SPOCK3: variants seen among roughly 807,000 people sequenced by gnomAD.
SPOCK3 encodes the protein SPARC (osteonectin), cwcv and kazal like domains proteoglycan 3.
A neutral mutation model predicts 56.6 loss-of-function variants in SPOCK3; 30 were observed. That is an observed-to-expected ratio of 0.53 (90% confidence interval 0.40 to 0.72). SPOCK3 has a LOEUF of 0.72. SPOCK3 is among the 30% of genes least tolerant of loss of function. SPOCK3 has a pLI of 0.00. For synonymous variants in SPOCK3, 196 were observed against 183.3 expected, an observed-to-expected ratio of 1.07 and a Z score of -0.56; for missense variants, 527 against 530.0, an observed-to-expected ratio of 0.99 and a Z score of 0.06.
At chr4:166,985,940 C>T (rs1439596710) in intron 4 of SPOCK3, among the ~76,000 whole-genome samples, 2 of 152,210 alleles carry the variant, frequency 1.3e-5, no homozygotes, top group East Asian at 3.9e-4. Context: ...TGTCTCTAGG[C>T]TCTAAGAGTT....
At chr4:167,103,564 C>T (rs1759840205) in intron 2 of SPOCK3, among the ~76,000 whole-genome samples, 1 of 152,126 alleles carries the variant, frequency 6.6e-6, no homozygotes, top group Non-Finnish European at 1.5e-5. Flanking sequence ...CACCATCTTA[C>T]CTTCAATAAA....
intron 6 of SPOCK3, among the ~76,000 whole-genome samples, chr4:166,812,535 T>A (rs1449166605): frequency 1.3e-5 from 2 of 151,920 alleles, no homozygotes; most frequent in African/African-American, 4.8e-5. Flanking sequence ...CATACTCAGA[T>A]AACAAATTCA....
intron 8 of SPOCK3, among the ~76,000 whole-genome samples, chr4:166,749,915 GTTC>G (rs1244399868): frequency 6.6e-6 from 1 of 152,080 alleles, no homozygotes; most frequent in Non-Finnish European, 1.5e-5. Context: ...ATTGAAAACA[GTTC>G]TTCTAGTTGC....
At chr4:166,898,762 G>A (rs557263568) in intron 5 of SPOCK3, among the ~76,000 whole-genome samples, 16 of 152,200 alleles carry the variant, frequency 1.1e-4, no homozygotes, top group African/African-American at 3.1e-4. Flanking sequence ...ACCTCTTATC[G>A]TTTGCCAAAA....
chr4:167,007,822 C>T (rs1354584236), intron 3 of SPOCK3, among the ~76,000 whole-genome samples: 3 of 152,136 alleles, frequency 2.0e-5, no homozygotes, highest in Non-Finnish European at 4.4e-5. Flanking sequence ...TTCCTCCTCT[C>T]GTGAGTGAAG....
At chr4:166,832,540 C>A (rs964760973) in intron 6 of SPOCK3, among the ~76,000 whole-genome samples, 57 of 152,086 alleles carry the variant, frequency 3.7e-4, no homozygotes, top group Admixed American at 4.6e-4. Flanking sequence ...AACTAACATT[C>A]AACCCAGTAA....
At chr4:166,997,958 C>T (rs939040528) in intron 4 of SPOCK3, among the ~76,000 whole-genome samples, 2 of 152,118 alleles carry the variant, frequency 1.3e-5, no homozygotes, top group East Asian at 1.9e-4. Flanking sequence ...TCTTTCCCTG[C>T]TTTCTCTACC....
At chr4:166,843,147 G>A (rs1747655973) in intron 6 of SPOCK3, among the ~76,000 whole-genome samples, 2 of 152,168 alleles carry the variant, frequency 1.3e-5, no homozygotes, top group Admixed American at 1.3e-4. Flanking sequence ...CCCAGAACAA[G>A]CACTGGCCCG....
At chr4:166,773,577 T>C (rs1579187559) in intron 7 of SPOCK3, among the ~76,000 whole-genome samples, 1 of 152,176 alleles carries the variant, frequency 6.6e-6, no homozygotes, top group South Asian at 2.1e-4. Flanking sequence ...TATTATCTTA[T>C]GTATTCATTT....
intron 6 of SPOCK3, among the ~76,000 whole-genome samples, chr4:166,794,620 C>CTTTTT (rs950662897): frequency 7.2e-6 from 1 of 139,422 alleles, no homozygotes; most frequent in African/African-American, 2.6e-5. Context: ...GTTTCTTTTT[C>CTTTTT]TTTTTTTTTT....
intron 3 of SPOCK3, among the ~76,000 whole-genome samples, chr4:167,050,011 T>G (rs1311137578): frequency 6.6e-6 from 1 of 152,188 alleles, no homozygotes; most frequent in Admixed American, 6.5e-5. Flanking sequence ...ACTTACTAGC[T>G]TTGTATCTAC....
rs188051006 is a variant in SPOCK3, at chr4:166,959,606, C to T, written c.350+40743G>A. On this transcript the variant is annotated intron_variant, in intron 4 of 10. Coordinates refer to ENST00000357545, the MANE Select transcript of SPOCK3 (RefSeq NM_001040159.2). ...CAGCCTGGGCAACAGAGCAAGAGTT[C>T]GTCTCAAAAAAAGAAAAAAAAAAAA... is the stretch of plus-strand genomic sequence containing the variant. Among the ~76,000 whole-genome samples, 221 of 104,060 alleles carry T rather than the reference C, an allele frequency of 2.1e-3. 1 individual carries two copies. The highest frequency in any genetic ancestry group is 2.7e-3 in the Non-Finnish European group (141 of 51,492). The allele number at this position is 104,060 out of a possible 152,430, so 68.3% of individuals were successfully genotyped here.
At chr4:166,947,745 C>T (rs1413586785) in intron 4 of SPOCK3, among the ~76,000 whole-genome samples, 1 of 152,018 alleles carries the variant, frequency 6.6e-6, no homozygotes, top group Non-Finnish European at 1.5e-5. Context: ...ATTGACACGT[C>T]ATAATTGCAC....
At chr4:166,860,817 G>GTA (rs1307737257) in intron 6 of SPOCK3, among the ~76,000 whole-genome samples, 364 of 31,146 alleles carry the variant, frequency 0.012, 10 homozygotes, top group African/African-American at 0.035. Context: ...ATATATATAT[G>GTA]TATATATATA....
At chr4:167,126,005 T>C (rs1486026400) in intron 2 of SPOCK3, among the ~76,000 whole-genome samples, 1 of 152,188 alleles carries the variant, frequency 6.6e-6, no homozygotes, top group Non-Finnish European at 1.5e-5. Flanking sequence ...TTTTTACTCA[T>C]ATCCTATTGG....
At chr4:167,102,564 G>C (rs1759743282) in intron 2 of SPOCK3, 1 of 152,328 alleles carries the variant, frequency 6.6e-6, no homozygotes, top group Non-Finnish European at 1.5e-5. Context: ...GTGTTCTCTG[G>C]GGAGACACAG....
chr4:167,028,443 A>G (rs948584455), intron 3 of SPOCK3, among the ~76,000 whole-genome samples: 1 of 152,056 alleles, frequency 6.6e-6, no homozygotes, highest in Non-Finnish European at 1.5e-5. Flanking sequence ...GAAATGAAAT[A>G]TAATAATAAT....
At chr4:167,049,400 C>A (rs183346355) in intron 3 of SPOCK3, among the ~76,000 whole-genome samples, 1 of 152,208 alleles carries the variant, frequency 6.6e-6, no homozygotes, top group East Asian at 1.9e-4. Flanking sequence ...GTTGATTACA[C>A]GTGGAACTTT....
In SPOCK3 at chr4:166,768,298, A is replaced by G. The variant is rs538289434; in HGVS notation, c.710-13569T>C. 2.9e-3 allele frequency among the ~76,000 whole-genome samples: 434 copies of G among 152,066 alleles called. 1 individual carries two copies. The highest frequency in any genetic ancestry group is 9.9e-3 in the African/African-American group (412 of 41,500). On this transcript the variant is annotated intron_variant, in intron 7 of 10. Transcript: ENST00000357545. ...CTTCCTAGCCTCGATGGTCTTTACA[A>G]TTTGTCATGTTTTTGCAGTGGCTGG...
Sources: allele counts gnomAD v4.1 joint callset (sites outside exome capture counted in the v4.1 genomes callset), GRCh38; gene constraint gnomAD v4.1.1; transcripts MANE v1.5; gene names NCBI Gene and HGNC (gene_info 2026-07-23, HGNC 2026-07-21).